SEMA3E: variants seen among roughly 807,000 people sequenced by gnomAD.
The protein encoded by SEMA3E is semaphorin 3E, also known as semaphorin-3E.
A neutral mutation model predicts 93.6 loss-of-function variants in SEMA3E; 49 were observed. The ratio of observed to expected loss-of-function variants is 0.52; its 90% CI spans 0.42 to 0.66. SEMA3E has a LOEUF of 0.66. SEMA3E is among the 30% of genes least tolerant of loss of function. The pLI is 0.00. For synonymous variants in SEMA3E, 363 were observed against 330.7 expected, an observed-to-expected ratio of 1.10 and a Z score of -1.06; for missense variants, 906 against 964.8, an observed-to-expected ratio of 0.94 and a Z score of 0.81.
chr7:83,611,853 AT>A (rs1184587050), intron 1 of SEMA3E, among the ~76,000 whole-genome samples: 1 of 151,974 alleles, frequency 6.6e-6, no homozygotes, highest in East Asian at 1.9e-4. Context: ...AGACCAAGTC[AT>A]TCCTCACTTC....
At chr7:83,508,323 T>C (rs1462947348) in intron 1 of SEMA3E, among the ~76,000 whole-genome samples, 1 of 151,108 alleles carries the variant, frequency 6.6e-6, no homozygotes, top group Non-Finnish European at 1.5e-5. Flanking sequence ...AGTGCAATGG[T>C]GCGATCTCAA....
intron 2 of SEMA3E, among the ~76,000 whole-genome samples, chr7:83,471,564 G>T (rs1427499032): frequency 6.6e-6 from 1 of 152,000 alleles, no homozygotes; most frequent in Non-Finnish European, 1.5e-5. Context: ...CTAGGTGGCT[G>T]TAGCACTGAC....
At chr7:83,506,878 A>C (rs1790715505) in intron 1 of SEMA3E, among the ~76,000 whole-genome samples, 1 of 152,214 alleles carries the variant, frequency 6.6e-6, no homozygotes, top group Non-Finnish European at 1.5e-5. Flanking sequence ...CTCACTGGGT[A>C]AACTTCAAGG....
intron 16 of SEMA3E, among the ~76,000 whole-genome samples, chr7:83,383,007 G>C (rs1787808646): frequency 6.6e-6 from 1 of 151,834 alleles, no homozygotes; most frequent in African/African-American, 2.4e-5. Context: ...GTTTGAATCT[G>C]AACAGGCAGA....
chr7:83,382,054 A>T (rs1388332330), intron 16 of SEMA3E, among the ~76,000 whole-genome samples: 1 of 151,982 alleles, frequency 6.6e-6, no homozygotes, highest in Non-Finnish European at 1.5e-5. Context: ...TGACATCAGG[A>T]GCATTTTTTA....
intron 1 of SEMA3E, among the ~76,000 whole-genome samples, chr7:83,544,195 A>T (rs925296949): frequency 6.6e-6 from 1 of 152,048 alleles, no homozygotes; most frequent in Non-Finnish European, 1.5e-5. Context: ...GTTAAAATAC[A>T]TTTAAGAGAA....
chr7:83,504,596 A>G (rs1369715901), intron 1 of SEMA3E, among the ~76,000 whole-genome samples: 1 of 152,214 alleles, frequency 6.6e-6, no homozygotes, highest in Non-Finnish European at 1.5e-5. Flanking sequence ...TGTACAGTTC[A>G]CTGATGACTT....
chr7:83,576,909 A>G (rs1224635978), intron 1 of SEMA3E, among the ~76,000 whole-genome samples: 1 of 152,176 alleles, frequency 6.6e-6, no homozygotes. Flanking sequence ...GGTGCAAGCT[A>G]CCATGCCCAG....
chr7:83,499,058 ATATCT>A (rs1336927348), intron 1 of SEMA3E, among the ~76,000 whole-genome samples: 1 of 152,172 alleles, frequency 6.6e-6, no homozygotes, highest in Admixed American at 6.5e-5. Context: ...TTCACTCAAA[ATATCT>A]TAGAAGTATT....
At chr7:83,538,485 C>T (rs1791452507) in intron 1 of SEMA3E, among the ~76,000 whole-genome samples, 1 of 152,128 alleles carries the variant, frequency 6.6e-6, no homozygotes, top group South Asian at 2.1e-4. Context: ...CATATCTTCC[C>T]TGGAGGAGTG....
chr7:83,572,479 A>C (rs1030326993), intron 1 of SEMA3E, among the ~76,000 whole-genome samples: 4 of 152,104 alleles, frequency 2.6e-5, no homozygotes, highest in Non-Finnish European at 5.9e-5. Flanking sequence ...TCTCTACTAA[A>C]AATACAAAAA....
chr7:83,467,279 C>G (rs1429957211), intron 3 of SEMA3E, among the ~76,000 whole-genome samples: 1 of 152,104 alleles, frequency 6.6e-6, no homozygotes, highest in African/African-American at 2.4e-5. Context: ...GTTGCCCAGG[C>G]TAGTCTCAAA....
intron 1 of SEMA3E, among the ~76,000 whole-genome samples, chr7:83,646,960 AT>A (rs1000252179): frequency 2.6e-5 from 4 of 151,850 alleles, no homozygotes; most frequent in African/African-American, 7.3e-5. Context: ...AATCAATTAT[AT>A]TTTTTTGCAT....
intron 1 of SEMA3E, among the ~76,000 whole-genome samples, chr7:83,599,917 G>C (rs1181263362): frequency 6.6e-6 from 1 of 152,116 alleles, no homozygotes; most frequent in Non-Finnish European, 1.5e-5. Flanking sequence ...ATAAAGAATG[G>C]CAAACATTTT....
intron 1 of SEMA3E, among the ~76,000 whole-genome samples, chr7:83,643,134 T>G (rs1447376318): frequency 2.6e-5 from 4 of 152,032 alleles, no homozygotes; most frequent in Non-Finnish European, 4.4e-5. Flanking sequence ...GGTGCTTTAT[T>G]ATGTGGTCAT....
chr7:83,615,953 T>C (rs1022240591), intron 1 of SEMA3E, among the ~76,000 whole-genome samples: 2 of 151,270 alleles, frequency 1.3e-5, no homozygotes, highest in African/African-American at 4.9e-5. Flanking sequence ...TAAACAATCC[T>C]GCTTAAAGTA....
chr7:83,425,590 C>A (rs1438320665), intron 4 of SEMA3E, among the ~76,000 whole-genome samples: 1 of 151,998 alleles, frequency 6.6e-6, no homozygotes, highest in Admixed American at 6.6e-5. Context: ...TTATTAAGTC[C>A]CTATAATTTT....
intron 1 of SEMA3E, among the ~76,000 whole-genome samples, chr7:83,585,332 C>T (rs1400315033): frequency 2.0e-5 from 3 of 152,142 alleles, no homozygotes; most frequent in Non-Finnish European, 4.4e-5. Flanking sequence ...TCTTTGTTGC[C>T]TGTCTCTCCC....
intron 4 of SEMA3E, among the ~76,000 whole-genome samples, chr7:83,438,267 G>A (rs1332497237): frequency 6.6e-6 from 1 of 151,794 alleles, no homozygotes; most frequent in Non-Finnish European, 1.5e-5. Flanking sequence ...AAATTAACCT[G>A]ACTTTAAATT....
Sources: allele counts gnomAD v4.1 joint callset (sites outside exome capture counted in the v4.1 genomes callset), GRCh38; gene constraint gnomAD v4.1.1; transcripts MANE v1.5; gene names NCBI Gene and HGNC (gene_info 2026-07-23, HGNC 2026-07-21).